PRELID2: variants seen among roughly 807,000 people sequenced by gnomAD.
PRELID2 encodes the protein PRELI domain-containing protein 2.
A neutral mutation model predicts 28.4 loss-of-function variants in PRELID2; 25 were observed. The ratio of observed to expected loss-of-function variants is 0.88; its 90% CI spans 0.64 to 1.23. The LOEUF is 1.23. Among genes scored for constraint, PRELID2 ranks in the 50% most tolerant of loss-of-function variants. The probability of loss-of-function intolerance (pLI) is 0.00; values close to 1 mark genes in which losing one functional copy is unlikely to be tolerated. For missense variants in PRELID2, 201 were observed against 214.4 expected, an observed-to-expected ratio of 0.94 and a Z score of 0.39; for synonymous variants, 76 against 71.6, an observed-to-expected ratio of 1.06 and a Z score of -0.31.
downstream of PRELID2, among the ~76,000 whole-genome samples, chr5:145,468,293 C>T (rs1010674817): frequency 6.6e-6 from 1 of 152,114 alleles, no homozygotes; most frequent in African/African-American, 2.4e-5. Context: ...ATATGTGCCA[C>T]ATTTTCTTAA....
intron 1 of PRELID2, among the ~76,000 whole-genome samples, chr5:145,575,715 C>T (rs953555920): frequency 1.7e-4 from 26 of 152,156 alleles, no homozygotes; most frequent in Admixed American, 1.4e-3. Flanking sequence ...AGTAGCCCTT[C>T]ATTATTGGTC....
At chr5:145,778,779 G>C (rs571463026) in intron 5 of PRELID2, among the ~76,000 whole-genome samples, 1 of 152,344 alleles carries the variant, frequency 6.6e-6, no homozygotes, top group South Asian at 2.1e-4. Context: ...GCGGTAGTGT[G>C]AACTAAGCAC....
At chr5:145,721,416 A>T (rs1432357625) in intron 1 of PRELID2, among the ~76,000 whole-genome samples, 1 of 152,172 alleles carries the variant, frequency 6.6e-6, no homozygotes, top group Non-Finnish European at 1.5e-5. Flanking sequence ...CCAGCAGACA[A>T]GGGAATTTTT....
chr5:145,575,007 T>C (rs1458947868), intron 1 of PRELID2, among the ~76,000 whole-genome samples: 2 of 152,206 alleles, frequency 1.3e-5, no homozygotes, highest in Non-Finnish European at 2.9e-5. Context: ...GGATTGACTA[T>C]ACTCACAATG....
the PRELID2 span, among the ~76,000 whole-genome samples, chr5:145,274,391 G>A: frequency 0.015 from 2,310 of 152,224 alleles, 30 homozygotes; most frequent in Non-Finnish European, 0.024. Context: ...ATTTTCTAGA[G>A]CGACATTATG....
chr5:145,229,035 G>A, the PRELID2 span: 7 of 1,601,912 alleles, frequency 4.4e-6, no homozygotes, highest in Non-Finnish European at 6.0e-6. Context: ...GTTCATCTGG[G>A]CGGCCATCCA....
chr5:145,765,435 C>G lies in PRELID2; in HGVS notation c.475-435G>C, dbSNP rs371531206. The stretch of plus-strand genomic sequence containing the variant: ...TGTATCACTGAGACCCCTCCCAGAA[C>G]TAAAGCACTCCTTCCCTTTCCACCA... On this transcript the variant is annotated intron_variant, in intron 5 of 6. Transcript: ENST00000683046. 6.6e-5 allele frequency among the ~76,000 whole-genome samples: 10 copies of G among 152,238 alleles called. No homozygotes were observed. The East Asian group carries it at 1.9e-3, about 29-fold the overall frequency.
At chr5:145,521,115 G>A (rs151207780) in intron 1 of PRELID2, among the ~76,000 whole-genome samples, 25 of 152,282 alleles carry the variant, frequency 1.6e-4, no homozygotes, top group Non-Finnish European at 2.8e-4. Flanking sequence ...AATTAAAGAT[G>A]AGGAATGTCA....
chr5:145,744,402 G>A (rs895424658), intron 1 of PRELID2, among the ~76,000 whole-genome samples: 2 of 152,194 alleles, frequency 1.3e-5, no homozygotes, highest in Non-Finnish European at 2.9e-5. Context: ...AACTGGGTGA[G>A]ACCCTCCAAC....
intron 1 of PRELID2, among the ~76,000 whole-genome samples, chr5:145,475,240 C>T (rs1752089975): frequency 1.3e-5 from 2 of 152,132 alleles, no homozygotes; most frequent in South Asian, 4.1e-4. Context: ...GAATTAGAGG[C>T]CAACATTCAA....
chr5:145,822,318 GT>G (rs1324209148), intron 2 of PRELID2, among the ~76,000 whole-genome samples: 16 of 152,322 alleles, frequency 1.1e-4, no homozygotes, highest in African/African-American at 3.8e-4. Context: ...CCAGGAATCA[GT>G]AAACATTTTC....
At chr5:145,791,051 G>C (rs929181146) in intron 5 of PRELID2, among the ~76,000 whole-genome samples, 8 of 151,930 alleles carry the variant, frequency 5.3e-5, no homozygotes, top group Non-Finnish European at 7.4e-5. Context: ...TGCTAATAAA[G>C]ACATACCAGC....
At chr5:145,752,196 A>G (rs1757141171), downstream of PRELID2, among the ~76,000 whole-genome samples, 1 of 152,180 alleles carries the variant, frequency 6.6e-6, no homozygotes, top group East Asian at 1.9e-4. Flanking sequence ...TTCCTTTAAT[A>G]AGGCTCAAAA....
At chr5:145,829,625 C>T (rs866799605) in intron 1 of PRELID2, among the ~76,000 whole-genome samples, 3 of 152,176 alleles carry the variant, frequency 2.0e-5, no homozygotes, top group Admixed American at 6.5e-5. Context: ...TCCAAGCTCA[C>T]AGGGCTAACA....
intron 1 of PRELID2, among the ~76,000 whole-genome samples, chr5:145,541,459 T>C (rs1752744492): frequency 1.3e-5 from 2 of 152,056 alleles, no homozygotes; most frequent in Admixed American, 1.3e-4. Context: ...AGCTGGGATT[T>C]AAACCCAGGC....
intron 1 of PRELID2, among the ~76,000 whole-genome samples, chr5:145,700,656 T>C (rs1342979569): frequency 6.6e-6 from 1 of 151,618 alleles, no homozygotes; most frequent in African/African-American, 2.4e-5. Context: ...CCACCACAGG[T>C]TCTCCCAGGG....
intron 1 of PRELID2, among the ~76,000 whole-genome samples, chr5:145,530,506 G>A (rs902420062): frequency 6.6e-6 from 1 of 152,036 alleles, no homozygotes; most frequent in African/African-American, 2.4e-5. Context: ...AATTGGTCAA[G>A]TAGAGAGAGA....
the PRELID2 span, among the ~76,000 whole-genome samples, chr5:145,442,653 T>C: frequency 1.2e-4 from 18 of 152,018 alleles, no homozygotes; most frequent in African/African-American, 4.3e-4. Flanking sequence ...TGAGGTGAGA[T>C]GGTTGCATGG....
At chr5:145,490,831 G>A (rs1419310160) in intron 1 of PRELID2, among the ~76,000 whole-genome samples, 1 of 152,110 alleles carries the variant, frequency 6.6e-6, no homozygotes, top group African/African-American at 2.4e-5. Context: ...AATTCTCCAT[G>A]ACAACGACTA....
Sources: allele counts gnomAD v4.1 joint callset (sites outside exome capture counted in the v4.1 genomes callset), GRCh38; gene constraint gnomAD v4.1.1; transcripts MANE v1.5; gene names NCBI Gene and HGNC (gene_info 2026-07-23, HGNC 2026-07-21).